Variants in AMMECR1 observed in about 807,000 individuals in gnomAD.
AMMECR1 encodes the protein nuclear protein AMMECR1.
AMMECR1 carries 3 observed loss-of-function variants against 22.5 expected under a neutral mutation model. That is an observed-to-expected ratio of 0.13 (90% CI 0.06 to 0.35). The LOEUF (loss-of-function observed/expected upper bound fraction) is 0.35, where lower values mean the gene tolerates loss of function less well. Among genes scored for constraint, AMMECR1 ranks in the 10% least tolerant of loss-of-function variants. The pLI, the probability that AMMECR1 is intolerant of heterozygous loss-of-function variation, is 1.00. For missense variants in AMMECR1, 235 were observed against 278.7 expected, an observed-to-expected ratio of 0.84 and a Z score of 1.12; for synonymous variants, 130 against 116.7, an observed-to-expected ratio of 1.11 and a Z score of -0.74.
chrX:110,269,338 C>CTGCCA (rs1174405032), intron 1 of AMMECR1, among the ~76,000 whole-genome samples: 3 of 111,785 alleles, frequency 2.7e-5, no homozygotes, highest in African/African-American at 9.8e-5. Context: ...CCTATCTCTC[C>CTGCCA]TGCCATATCA....
chrX:110,219,471 C>A, intron 2 of AMMECR1: 2 of 752,731 alleles, frequency 2.7e-6, no homozygotes, highest in Non-Finnish European at 3.1e-6. Flanking sequence ...CCTAGCAGAC[C>A]AATAAAAGAT....
In AMMECR1 at chrX:110,291,655, T is replaced by C. The variant is rs187664169; in HGVS notation, c.473+25944A>G. ...GCTTCGAAGTTTCACATTGGAACAC[T>C]GATGTTATATTGCAGAATTTAAATG... On this transcript the variant is annotated intron_variant, in intron 1 of 5. Coordinates refer to ENST00000262844, the MANE Select transcript of AMMECR1 (RefSeq NM_015365.3). Among the ~76,000 whole-genome samples the C allele has an allele frequency of 4.5e-3, 499 of 112,106 alleles. 5 individuals carry two copies. Among genetic ancestry groups the C allele is most frequent in the African/African-American group, 0.016 (483 of 30,812 alleles).
intron 1 of AMMECR1, among the ~76,000 whole-genome samples, chrX:110,314,848 C>T (rs1032946908): frequency 3.6e-5 from 4 of 111,842 alleles, no homozygotes; most frequent in African/African-American, 9.8e-5. Flanking sequence ...ATATTGACAT[C>T]CCCTCAATAC....
intron 2 of AMMECR1, among the ~76,000 whole-genome samples, chrX:110,397,614 G>A (rs1316518322): frequency 9.0e-6 from 1 of 110,906 alleles, no homozygotes; most frequent in Non-Finnish European, 1.9e-5. Flanking sequence ...CACTGCTGGG[G>A]ACACCACATG....
intron 3 of AMMECR1, among the ~76,000 whole-genome samples, chrX:110,210,678 C>A (rs1203086596): frequency 8.9e-6 from 1 of 111,931 alleles, no homozygotes; most frequent in Non-Finnish European, 1.9e-5. Flanking sequence ...TTTACTCTCA[C>A]GAAGGTTGTT....
intron 2 of AMMECR1, among the ~76,000 whole-genome samples, chrX:110,390,907 G>A (rs2068489779): frequency 8.9e-6 from 1 of 111,770 alleles, no homozygotes; most frequent in African/African-American, 3.3e-5. Flanking sequence ...AGCTTCAGTG[G>A]TGAACAGCAG....
intron 1 of AMMECR1, among the ~76,000 whole-genome samples, chrX:110,302,927 G>T (rs771731202): frequency 9.0e-6 from 1 of 110,869 alleles, no homozygotes; most frequent in South Asian, 3.9e-4. Flanking sequence ...GAGAGAGATT[G>T]ACTGATTTTC....
intron 2 of AMMECR1, among the ~76,000 whole-genome samples, chrX:110,385,303 A>T (rs2068447531): frequency 8.9e-6 from 1 of 112,199 alleles, no homozygotes; most frequent in African/African-American, 3.2e-5. Context: ...AGTAGGTGCT[A>T]TATAAATATT....
rs879163620 is a variant in AMMECR1, at chrX:110,198,293, C to CA, written c.*226dup. ...AAAAAACCCAAAATTATATATGCTGCAAAAAAAAAATCAACGATCTAAAAT... is the reference window on the plus strand; with the variant it reads ...AAAAAACCCAAAATTATATATGCTGCAAAAAAAAAAATCAACGATCTAAAAT... On this transcript the variant is annotated 3_prime_UTR_variant, in exon 6 of 6. Coordinates refer to ENST00000262844, the MANE Select transcript of AMMECR1 (RefSeq NM_015365.3). 1,194 of 233,294 alleles carry CA rather than the reference C, an allele frequency of 5.1e-3. 11 individuals are homozygous for CA. The South Asian group carries it at 0.084, about 16-fold the overall frequency. The allele number at this position is 233,294 out of a possible 1,213,427, so 19.2% of individuals were successfully genotyped here.
At chrX:110,346,907 C>T (rs761424860) in intron 2 of AMMECR1, 6 of 588,744 alleles carry the variant, frequency 1.0e-5, no homozygotes, top group East Asian at 1.0e-4. Context: ...AGAAGCCAGA[C>T]ATGGTGAACG....
intron 2 of AMMECR1, among the ~76,000 whole-genome samples, chrX:110,361,113 C>G (rs148579210): frequency 1.2e-4 from 13 of 110,676 alleles, no homozygotes; most frequent in African/African-American, 4.3e-4. Context: ...TGCCCACAAC[C>G]CCCAACAAAA....
In AMMECR1 at chrX:110,318,052, C is replaced by G. The variant is rs1375410609; in HGVS notation, c.20G>C (p.Gly7Ala). 1.7e-6 allele frequency: 2 copies of G among 1,201,334 alleles called. No individual in the cohort carries two copies. The highest frequency in any genetic ancestry group is 2.2e-6 in the Non-Finnish European group (2 of 891,305). Residue 7 changes from glycine to alanine, a missense_variant, in exon 1 of 6, where the codon GGG becomes GCG. Gly to Ala is a moderately conservative substitution (Grantham distance 60). Coordinates refer to ENST00000262844, the MANE Select transcript of AMMECR1 (RefSeq NM_015365.3). ...ACTGGACAGTTTCTGCTTCTTCACC[C>G]CGCAGCAACCCGCCGCCATCTTGGA... MAAGCC[G>A]VKKQKLSSSP...
In AMMECR1 at chrX:110,405,098, C is replaced by A. The variant is rs192380695; in HGVS notation, c.-148+21560G>T. On this transcript the variant is annotated intron_variant, in intron 2 of 7. Coordinates refer to the AMMECR1 transcript ENST00000372057. Reference sequence around the variant, plus strand: ...GGTGTGCTTGTTGTGTCCCCCCCCCCCCCAAGCATGAGTCAGAGCCTTTCA... The same window carrying A: ...GGTGTGCTTGTTGTGTCCCCCCCCCACCCAAGCATGAGTCAGAGCCTTTCA... Among the ~76,000 whole-genome samples, 12 of 101,674 alleles carry A rather than the reference C, an allele frequency of 1.2e-4. 1 individual carries two copies. The highest frequency in any genetic ancestry group is 5.1e-4 in the South Asian group (1 of 1,952). The allele number at this position is 101,674 out of a possible 115,157, so 88.3% of individuals were successfully genotyped here.
intron 2 of AMMECR1, among the ~76,000 whole-genome samples, chrX:110,384,201 A>C (rs2068439240): frequency 9.0e-6 from 1 of 111,298 alleles, no homozygotes; most frequent in African/African-American, 3.3e-5. Context: ...TGAGGGCAGA[A>C]ACCTTGTATT....
chrX:110,244,406 C>T (rs2067648180), intron 2 of AMMECR1, among the ~76,000 whole-genome samples: 1 of 111,394 alleles, frequency 9.0e-6, no homozygotes, highest in African/African-American at 3.3e-5. Flanking sequence ...ACATTTGGCT[C>T]AGGAAGTTTT....
At chrX:110,284,794 A>G (rs1216008865) in intron 1 of AMMECR1, among the ~76,000 whole-genome samples, 1 of 112,171 alleles carries the variant, frequency 8.9e-6, no homozygotes, top group African/African-American at 3.2e-5. Flanking sequence ...AAGGCCACAC[A>G]AAGTACCAAA....
intron 2 of AMMECR1, among the ~76,000 whole-genome samples, chrX:110,405,225 T>G (rs1348410566): frequency 9.0e-6 from 1 of 110,764 alleles, no homozygotes; most frequent in East Asian, 2.8e-4. Flanking sequence ...TATCCTTTCT[T>G]GTGTTGTTAT....
intron 2 of AMMECR1, among the ~76,000 whole-genome samples, chrX:110,335,723 A>G (rs190751356): frequency 2.9e-4 from 32 of 111,947 alleles, no homozygotes; most frequent in African/African-American, 9.7e-4. Context: ...CCTCTATTTC[A>G]TCAGCTCCAA....
intron 2 of AMMECR1, among the ~76,000 whole-genome samples, chrX:110,378,008 C>CAAAAAAAA (rs755483656): frequency 5.8e-4 from 18 of 30,944 alleles, no homozygotes; most frequent in African/African-American, 2.3e-3. Flanking sequence ...GACTCCGTCT[C>CAAAAAAAA]AAAAAAAAAA....
Sources: allele counts gnomAD v4.1 joint callset (sites outside exome capture counted in the v4.1 genomes callset), GRCh38; gene constraint gnomAD v4.1.1; transcripts MANE v1.5; gene names NCBI Gene and HGNC (gene_info 2026-07-23, HGNC 2026-07-21).